ACTR3C: variants seen among roughly 807,000 people sequenced by gnomAD.
ACTR3C encodes the protein actin-related protein 3C.
A neutral mutation model predicts 26.3 loss-of-function variants in ACTR3C; 18 were observed. The observed-to-expected ratio is 0.68, with a 90% CI of 0.47 to 1.01. The LOEUF is 1.01. ACTR3C is among the 50% of genes least tolerant of loss of function. The probability of loss-of-function intolerance (pLI) is 0.00; values close to 1 mark genes in which losing one functional copy is unlikely to be tolerated. For synonymous variants in ACTR3C, 55 were observed against 94.5 expected (o/e 0.58, Z 2.42); for missense variants, 184 against 250.7 (o/e 0.73, Z 1.80).
rs1563220785 is a variant in ACTR3C, at chr7:150,323,508, C to T, written c.-91G>A. On this transcript the variant is annotated 5_prime_UTR_variant, in exon 1 of 8. Transcript: ENST00000683684. ...CCGGCTCTGCGGTGCGGAGTTGCGC[C>T]GGACTTCCCAGCTTGGCCAGTGGCT... 1 of 434,472 alleles carries T rather than the reference C, an allele frequency of 2.3e-6. No homozygotes were observed. Among genetic ancestry groups the T allele is most frequent in the Admixed American group, 2.5e-5 (1 of 39,820 alleles). The allele number at this position is 434,472 out of a possible 1,614,324, so 26.9% of individuals were successfully genotyped here. A position where few individuals can be genotyped will look rare whatever the true frequency, so the allele number is the denominator to read the frequency against.
chr7:150,228,790 T>C, the ACTR3C span, among the ~76,000 whole-genome samples: 1 of 150,252 alleles, frequency 6.7e-6, no homozygotes, highest in African/African-American at 2.5e-5. Context: ...TAAAAAAATT[T>C]AAAAATACAT....
the ACTR3C span, among the ~76,000 whole-genome samples, chr7:150,236,020 C>A: frequency 3.7e-5 from 5 of 136,056 alleles, no homozygotes; most frequent in African/African-American, 6.4e-5. Context: ...AAACTTTCTA[C>A]CATCTTTCAG....
the ACTR3C span, among the ~76,000 whole-genome samples, chr7:150,201,043 T>C: frequency 6.6e-6 from 1 of 152,262 alleles, no homozygotes; most frequent in Non-Finnish European, 1.5e-5. Flanking sequence ...ATGAACTAAC[T>C]TTCTAGCTTA....
At chr7:149,994,915 A>C in the ACTR3C span, among the ~76,000 whole-genome samples, 2 of 132,624 alleles carry the variant, frequency 1.5e-5, no homozygotes, top group African/African-American at 5.8e-5. Flanking sequence ...AGTGCAATGG[A>C]GTGATCTCGG....
chr7:150,286,352 AAAG>A lies in ACTR3C; in HGVS notation c.471+12_471+14del. ...CCATCCCACACTTGAGCACACAAAAAAAGAAACACCTTACCTCCGGGTGAAAGA... is the reference window on the plus strand; with the variant it reads ...CCATCCCACACTTGAGCACACAAAAAAAACACCTTACCTCCGGGTGAAAGA... On this transcript the variant is annotated intron_variant, in intron 5 of 7. Coordinates refer to ENST00000683684, the MANE Select transcript of ACTR3C (RefSeq NM_001164458.2). 6.2e-7 allele frequency: 1 copy of A among 1,613,236 alleles called. No individual in the cohort carries two copies. The highest frequency in any genetic ancestry group is 1.1e-5 in the South Asian group (1 of 90,976).
chr7:150,057,871 A>G, the ACTR3C span, among the ~76,000 whole-genome samples: 3 of 152,234 alleles, frequency 2.0e-5, no homozygotes, highest in African/African-American at 7.2e-5. Flanking sequence ...TAGGAAGAGA[A>G]TAAAAGCAAG....
chr7:150,112,684 T>C, the ACTR3C span, among the ~76,000 whole-genome samples: 2 of 152,148 alleles, frequency 1.3e-5, no homozygotes, highest in African/African-American at 4.8e-5. Flanking sequence ...CAGCCACCCA[T>C]CTAAGATTAA....
chr7:150,180,654 A>G, the ACTR3C span, among the ~76,000 whole-genome samples: 5 of 148,410 alleles, frequency 3.4e-5, no homozygotes, highest in Non-Finnish European at 7.4e-5. Flanking sequence ...CTGGGACTAC[A>G]GGCGCGCGCC....
chr7:150,106,167 A>T, the ACTR3C span, among the ~76,000 whole-genome samples: 1 of 151,778 alleles, frequency 6.6e-6, no homozygotes, highest in Non-Finnish European at 1.5e-5. Context: ...TGTTGTTGAG[A>T]TGGATGGCTC....
At chr7:149,988,100 G>GCCCCAGTGGCT in the ACTR3C span, among the ~76,000 whole-genome samples, 1 of 152,182 alleles carries the variant, frequency 6.6e-6, no homozygotes, top group African/African-American at 2.4e-5. Context: ...GAACGTGTCT[G>GCCCCAGTGGCT]CCCCAGTGGC....
chr7:150,004,726 T>A, the ACTR3C span: 1 of 152,228 alleles, frequency 6.6e-6, no homozygotes, highest in East Asian at 1.9e-4. Context: ...GGACACAACA[T>A]CACTTCTCTA....
At chr7:150,293,922 T>C (rs1836508211) in intron 2 of ACTR3C, among the ~76,000 whole-genome samples, 1 of 151,906 alleles carries the variant, frequency 6.6e-6, no homozygotes, top group Admixed American at 6.6e-5. Flanking sequence ...GACAACACAG[T>C]GAGACCTTGT....
chr7:150,175,308 G>A, the ACTR3C span, among the ~76,000 whole-genome samples: 1 of 145,106 alleles, frequency 6.9e-6, no homozygotes, highest in Admixed American at 6.6e-5. Context: ...CTGGTAAACA[G>A]ATCCTCAGTC....
At chr7:150,128,300 T>G in the ACTR3C span, among the ~76,000 whole-genome samples, 5 of 152,206 alleles carry the variant, frequency 3.3e-5, no homozygotes, top group Non-Finnish European at 5.9e-5. Flanking sequence ...CTGCCTAAAT[T>G]GCTTCAGTTT....
the ACTR3C span, among the ~76,000 whole-genome samples, chr7:150,130,483 A>C: frequency 6.6e-6 from 1 of 152,210 alleles, no homozygotes; most frequent in Admixed American, 6.5e-5. Flanking sequence ...GCAATGTCCA[A>C]TAATAAACTG....
the ACTR3C span, among the ~76,000 whole-genome samples, chr7:150,013,649 C>A: frequency 6.6e-6 from 1 of 152,224 alleles, no homozygotes; most frequent in South Asian, 2.1e-4. Context: ...CATGAGATCC[C>A]TGTTCTCTTC....
At chr7:150,066,213 C>G in the ACTR3C span, among the ~76,000 whole-genome samples, 1 of 152,068 alleles carries the variant, frequency 6.6e-6, no homozygotes, top group East Asian at 1.9e-4. Flanking sequence ...TTCAGGGGAC[C>G]ACAGCTCTAG....
chr7:150,177,390 T>C, the ACTR3C span, among the ~76,000 whole-genome samples: 1 of 150,732 alleles, frequency 6.6e-6, no homozygotes, highest in Admixed American at 6.6e-5. Flanking sequence ...TCTAAGATCT[T>C]CCCTAAGTTG....
the ACTR3C span, among the ~76,000 whole-genome samples, chr7:150,056,679 G>A: frequency 1.5e-3 from 225 of 150,612 alleles, no homozygotes; most frequent in African/African-American, 5.3e-3. Context: ...GATGAGGTGG[G>A]TCCTGTTTGT....
Sources: gnomAD v4.1 joint callset for allele counts (sites outside exome capture counted in the v4.1 genomes callset) on GRCh38, gnomAD v4.1.1 for gene constraint, MANE v1.5 for transcripts, NCBI Gene and HGNC (gene_info 2026-07-23, HGNC 2026-07-21) for gene names.